SLC9A2: variants seen among roughly 807,000 people sequenced by gnomAD.
SLC9A2 encodes solute carrier family 9 member A2, also known as sodium/hydrogen exchanger 2.
A neutral mutation model predicts 71.7 loss-of-function variants in SLC9A2; 42 were observed. The observed-to-expected ratio is 0.59, with a 90% CI of 0.46 to 0.76. The LOEUF (loss-of-function observed/expected upper bound fraction) is 0.76, where lower values mean the gene tolerates loss of function less well. Among genes scored for constraint, SLC9A2 ranks in the 30% least tolerant of loss-of-function variants. The pLI is 0.00. For synonymous variants in SLC9A2, 396 were observed against 392.5 expected (o/e 1.01, Z -0.10); for missense variants, 829 against 1,017.4 (o/e 0.81, Z 2.52).
intron 1 of SLC9A2, among the ~76,000 whole-genome samples, chr2:102,655,320 AT>A (rs994209222): frequency 1.3e-5 from 2 of 151,102 alleles, no homozygotes; most frequent in African/African-American, 2.4e-5. Context: ...CACCCAGCTA[AT>A]TTTTTTATTT....
intron 5 of SLC9A2, among the ~76,000 whole-genome samples, chr2:102,687,670 T>C (rs1169865713): frequency 6.6e-6 from 1 of 152,232 alleles, no homozygotes; most frequent in Non-Finnish European, 1.5e-5. Context: ...TTTGATATCA[T>C]AGTTTATCAT....
At chr2:102,641,112 A>C (rs1676571551) in intron 1 of SLC9A2, among the ~76,000 whole-genome samples, 1 of 152,148 alleles carries the variant, frequency 6.6e-6, no homozygotes, top group Non-Finnish European at 1.5e-5. Flanking sequence ...GTCACAGTGA[A>C]TAAAACTTGC....
intron 2 of SLC9A2, among the ~76,000 whole-genome samples, chr2:102,662,056 T>C (rs778303259): frequency 2.0e-5 from 3 of 152,196 alleles, no homozygotes; most frequent in Non-Finnish European, 4.4e-5. Context: ...TGTGGAAAGC[T>C]TTCTGGTTGT....
At chr2:102,696,491 T>C (rs1189944026) in intron 7 of SLC9A2, among the ~76,000 whole-genome samples, 1 of 152,210 alleles carries the variant, frequency 6.6e-6, no homozygotes, top group Non-Finnish European at 1.5e-5. Context: ...TCATATATGC[T>C]GGCATAATAT....
In SLC9A2 at chr2:102,643,940, G is replaced by A. The variant is rs74545485; in HGVS notation, c.290-13624G>A. 8.7e-3 allele frequency among the ~76,000 whole-genome samples: 1,305 copies of A among 150,554 alleles called. 14 individuals are homozygous for A. Among genetic ancestry groups the A allele is most frequent in the African/African-American group, 0.031 (1,258 of 40,950 alleles). On this transcript the variant is annotated intron_variant, in intron 1 of 11. Transcript: ENST00000233969. ...TTTTTTTTGCACAGACATTTAAAACGATGAATTCAGGTATACCTGTCTCCT... is the reference window on the plus strand; with the variant it reads ...TTTTTTTTGCACAGACATTTAAAACAATGAATTCAGGTATACCTGTCTCCT...
chr2:102,672,080 G>T (rs756491750), intron 3 of SLC9A2, among the ~76,000 whole-genome samples: 1 of 152,088 alleles, frequency 6.6e-6, no homozygotes, highest in Non-Finnish European at 1.5e-5. Flanking sequence ...CTGCACTCCA[G>T]CCTGGGAGAC....
chr2:102,658,369 T>C (rs1676986422), intron 2 of SLC9A2, among the ~76,000 whole-genome samples: 1 of 152,236 alleles, frequency 6.6e-6, no homozygotes, highest in African/African-American at 2.4e-5. Context: ...TGATGATTTA[T>C]CATTTTGGCA....
intron 1 of SLC9A2, among the ~76,000 whole-genome samples, chr2:102,656,345 G>A (rs537471724): frequency 3.9e-5 from 6 of 152,318 alleles, no homozygotes; most frequent in African/African-American, 1.4e-4. Flanking sequence ...ATTTACTAGA[G>A]AAGCCCCTTT....
intron 7 of SLC9A2, chr2:102,697,439 G>T (rs948830201): frequency 6.6e-6 from 1 of 151,940 alleles, no homozygotes; most frequent in South Asian, 2.1e-4. Context: ...CTAAAGATGG[G>T]AGAGCCAACC....
chr2:102,658,107 G>T, intron 2 of SLC9A2, 80 bp downstream of exon 2: 1 of 1,077,348 alleles, frequency 9.3e-7, no homozygotes, highest in Non-Finnish European at 1.4e-6. Flanking sequence ...ACCTCAACTG[G>T]CAGGGGCGAG....
intron 1 of SLC9A2, among the ~76,000 whole-genome samples, chr2:102,632,226 T>C (rs1676388818): frequency 7.1e-6 from 1 of 141,110 alleles, no homozygotes; most frequent in South Asian, 2.1e-4. Flanking sequence ...ATATATTTAT[T>C]ATATATATAA....
intron 1 of SLC9A2, among the ~76,000 whole-genome samples, chr2:102,640,226 T>C (rs1308886767): frequency 2.6e-5 from 4 of 152,242 alleles, no homozygotes; most frequent in African/African-American, 9.6e-5. Context: ...GTTTCTCTGC[T>C]GTCTCTCAGC....
intron 5 of SLC9A2, among the ~76,000 whole-genome samples, chr2:102,688,261 T>C (rs1049806434): frequency 6.6e-6 from 1 of 152,162 alleles, no homozygotes; most frequent in African/African-American, 2.4e-5. Flanking sequence ...AGTAAGACTA[T>C]TGTGGGTTGA....
At chr2:102,693,157 A>G (rs1022348463) in intron 5 of SLC9A2, among the ~76,000 whole-genome samples, 2 of 151,688 alleles carry the variant, frequency 1.3e-5, no homozygotes, top group African/African-American at 4.8e-5. Context: ...TCTGGGATGG[A>G]TTGGGCATTT....
chr2:102,658,836 TAA>T (rs1249479832), intron 2 of SLC9A2, among the ~76,000 whole-genome samples: 1 of 152,042 alleles, frequency 6.6e-6, no homozygotes, highest in African/African-American at 2.4e-5. Context: ...GTCCACCAGT[TAA>T]AGACACTCAA....
At chr2:102,677,878 C>T (rs1252696714) in intron 3 of SLC9A2, among the ~76,000 whole-genome samples, 1 of 152,100 alleles carries the variant, frequency 6.6e-6, no homozygotes, top group African/African-American at 2.4e-5. Context: ...TTCATCCTTC[C>T]TCATCTCTTA....
At chr2:102,638,025 C>A (rs1051035497) in intron 1 of SLC9A2, among the ~76,000 whole-genome samples, 1 of 152,138 alleles carries the variant, frequency 6.6e-6, no homozygotes, top group Non-Finnish European at 1.5e-5. Context: ...TGACAAAAGC[C>A]CAGTTTTGCT....
intron 2 of SLC9A2, among the ~76,000 whole-genome samples, chr2:102,659,458 T>A (rs1278605773): frequency 2.0e-5 from 3 of 151,916 alleles, no homozygotes; most frequent in African/African-American, 7.2e-5. Flanking sequence ...ATAATAATAA[T>A]AAAATAAAAG....
chr2:102,704,544 A>T lies in SLC9A2; in HGVS notation c.1846A>T (p.Thr616Ser), dbSNP rs757389529. 5 of 1,612,032 alleles carry T rather than the reference A, an allele frequency of 3.1e-6. No homozygotes were observed. The highest frequency in any genetic ancestry group is 4.2e-6 in the Non-Finnish European group (5 of 1,178,718). ...TGTCCTCTATATGTTTTCATTCCAG[A>T]CTTTATCCTACAACAGACACAGTCT... ...SRNLYQIRQR[T>S]LSYNRHSLTA... Residue 616 changes from threonine (T) to serine (S), a missense_variant and splice_region_variant, in exon 10 of 12, where the codon ACT becomes TCT. Around this residue, in one of 3 missense-constraint regions of SLC9A2, gnomAD observed 500 missense variants for 726.3 expected, o/e 0.69. Transcript: ENST00000233969.
Sources: gnomAD v4.1 joint callset for allele counts (sites outside exome capture counted in the v4.1 genomes callset) on GRCh38, gnomAD v4.1.1 for gene constraint, gnomAD v4.1.1 regional missense constraint, MANE v1.5 for transcripts, NCBI Gene and HGNC (gene_info 2026-07-23, HGNC 2026-07-21) for gene names.